The following VDR variants were observed in gnomAD, a reference collection of about 807,000 sequenced individuals.
VDR encodes vitamin D3 receptor.
VDR carries 19 observed loss-of-function variants against 39.7 expected under a neutral mutation model. That is an observed-to-expected ratio of 0.48 (90% CI 0.33 to 0.70). VDR has a LOEUF of 0.70. Ranked by LOEUF, VDR falls within the 30% of genes least tolerant of loss-of-function variation. VDR has a pLI of 0.02. For synonymous variants in VDR, 242 were observed against 215.8 expected (o/e 1.12, Z -1.07); for missense variants, 442 against 570.5 (o/e 0.77, Z 2.29).
intron 2 of VDR, 59 bp downstream of exon 2, chr12:47,882,635 C>G (rs1046915358): frequency 4.9e-6 from 3 of 609,704 alleles, no homozygotes; most frequent in Non-Finnish European, 8.6e-6. Flanking sequence ...CCCTCCCCCC[C>G]ACCCCGCCCC....
intron 3 of VDR, among the ~76,000 whole-genome samples, chr12:47,871,201 G>A (rs1481221854): frequency 6.6e-6 from 1 of 152,062 alleles, no homozygotes; most frequent in Non-Finnish European, 1.5e-5. Context: ...CGCAATGGTG[G>A]TTACTGCAGC....
chr12:47,890,719 G>C lies in VDR; in HGVS notation c.-83-7945C>G, dbSNP rs1592148674. ...ATAAGGGGAGCTTTCCCACAGCTTG[G>C]ACTGAGAACGTGTGCCCTAGAAGTG... is the stretch of plus-strand genomic sequence containing the variant. On this transcript the variant is annotated intron_variant, in intron 1 of 9. Transcript: ENST00000549336. 5.3e-5 allele frequency among the ~76,000 whole-genome samples: 8 copies of C among 152,320 alleles called. 1 individual carries two copies. The highest frequency in any genetic ancestry group is 5.2e-4 in the Admixed American group (8 of 15,302).
At chr12:47,848,271 T>C (rs529937524) in intron 7 of VDR, among the ~76,000 whole-genome samples, 116 of 151,964 alleles carry the variant, frequency 7.6e-4, no homozygotes, top group African/African-American at 2.7e-3. Context: ...CCTCAAGTGA[T>C]CCTCTCATCT....
intron 3 of VDR, among the ~76,000 whole-genome samples, chr12:47,867,281 G>C (rs1431007171): frequency 6.6e-6 from 1 of 152,146 alleles, no homozygotes; most frequent in Non-Finnish European, 1.5e-5. Flanking sequence ...TTGAACTTGG[G>C]AGACGGCCGT....
At position 47,844,402 on chromosome 12, in the gene VDR, C is replaced by T; in HGVS notation, c.*344G>A. On this transcript the variant is annotated 3_prime_UTR_variant, in exon 10 of 10. Transcript: ENST00000549336. ...TCCCTGAGGAATGGATGCATTTCTC[C>T]TGTCTGTTCCCTCAACATCAGTCAG... The T allele has an allele frequency of 2.1e-6, 1 of 469,574 alleles. No homozygotes were observed. Among genetic ancestry groups the T allele is most frequent in the Non-Finnish European group, 3.9e-6 (1 of 255,478 alleles). 29.1% of individuals were successfully genotyped at this position (469,574 alleles called of 1,614,324 possible). A position where few individuals can be genotyped will look rare whatever the true frequency, so the allele number is the denominator to read the frequency against.
intron 4 of VDR, 113 bp from the exon 5 acceptor site, chr12:47,857,801 T>C (rs1945523879): frequency 8.3e-7 from 1 of 1,211,368 alleles, no homozygotes; most frequent in Non-Finnish European, 1.1e-6. Flanking sequence ...CACTCGGGGC[T>C]CCCTCGGGGG....
At chr12:47,883,371 G>A (rs759188907) in intron 1 of VDR, among the ~76,000 whole-genome samples, 73 of 152,274 alleles carry the variant, frequency 4.8e-4, no homozygotes, top group African/African-American at 1.5e-3. Flanking sequence ...GGGTGTAGGC[G>A]GAGCAGGTGT....
intron 3 of VDR, among the ~76,000 whole-genome samples, chr12:47,868,248 AAGGAAGC>A (rs1241759104): frequency 6.6e-6 from 1 of 152,230 alleles, no homozygotes; most frequent in African/African-American, 2.4e-5. Context: ...CCCAACAGTC[AAGGAAGC>A]AGCTGCTGTT....
At chr12:47,882,628 T>TTCCCC in intron 2 of VDR, 66 bp downstream of exon 2, 1 of 187,188 alleles carries the variant, frequency 5.3e-6, no homozygotes, top group Non-Finnish European at 9.9e-6. Context: ...CTTATGCCCC[T>TTCCCC]CCCCCCCACC....
At chr12:47,850,556 C>T (rs374217942) in intron 7 of VDR, among the ~76,000 whole-genome samples, 1 of 152,060 alleles carries the variant, frequency 6.6e-6, no homozygotes, top group Non-Finnish European at 1.5e-5. Flanking sequence ...CTGCTAGGAA[C>T]ACAAACCCAA....
chr12:47,902,799 C>T (rs1187713553), intron 1 of VDR, among the ~76,000 whole-genome samples: 1 of 152,158 alleles, frequency 6.6e-6, no homozygotes, highest in Non-Finnish European at 1.5e-5. Flanking sequence ...AATGGGAACT[C>T]CCTTTCGTGT....
chr12:47,904,100 C>CAAG (rs887281725), intron 1 of VDR, among the ~76,000 whole-genome samples: 1 of 105,838 alleles, frequency 9.4e-6, no homozygotes, highest in Admixed American at 8.8e-5. Flanking sequence ...GGAGGAGGAA[C>CAAG]AAGAGGAGGA....
intron 3 of VDR, among the ~76,000 whole-genome samples, chr12:47,875,092 C>T (rs950118565): frequency 6.6e-6 from 1 of 152,152 alleles, no homozygotes; most frequent in Non-Finnish European, 1.5e-5. Flanking sequence ...GAGGAATTGA[C>T]CAGCAATGGC....
intron 3 of VDR, among the ~76,000 whole-genome samples, chr12:47,869,672 A>G (rs1251527189): frequency 2.0e-5 from 3 of 152,172 alleles, no homozygotes; most frequent in African/African-American, 4.8e-5. Flanking sequence ...AGGTGGGCAG[A>G]TAGCTTAGGC....
chr12:47,874,590 G>A (rs1490099330), intron 3 of VDR, among the ~76,000 whole-genome samples: 2 of 152,176 alleles, frequency 1.3e-5, no homozygotes, highest in Non-Finnish European at 2.9e-5. Context: ...GCACTTCTCT[G>A]CACTGTCTTT....
chr12:47,871,596 T>C (rs1945881849), intron 3 of VDR, among the ~76,000 whole-genome samples: 1 of 151,936 alleles, frequency 6.6e-6, no homozygotes, highest in Non-Finnish European at 1.5e-5. Flanking sequence ...CCCGAGTAGC[T>C]GGAATTACAG....
chr12:47,879,449 G>C (rs536893810), intron 2 of VDR, among the ~76,000 whole-genome samples: 5 of 152,212 alleles, frequency 3.3e-5, no homozygotes, highest in Admixed American at 6.5e-5. Flanking sequence ...TACTTCCAGG[G>C]TGTAAGGATC....
chr12:47,862,625 G>T (rs1273672970), intron 4 of VDR, among the ~76,000 whole-genome samples: 1 of 152,216 alleles, frequency 6.6e-6, no homozygotes, highest in Non-Finnish European at 1.5e-5. Flanking sequence ...CTCTTCTATG[G>T]AAGGCCCACC....
intron 4 of VDR, among the ~76,000 whole-genome samples, chr12:47,863,804 G>T (rs375473589): frequency 6.6e-6 from 1 of 152,204 alleles, no homozygotes; most frequent in Admixed American, 6.5e-5. Context: ...ACCCACAGAA[G>T]AGAAGCCTAG....
Sources: gnomAD v4.1 joint callset for allele counts (sites outside exome capture counted in the v4.1 genomes callset) on GRCh38, gnomAD v4.1.1 for gene constraint, MANE v1.5 for transcripts, NCBI Gene and HGNC (gene_info 2026-07-23, HGNC 2026-07-21) for gene names.